Variants in CIBAR1 observed in about 807,000 individuals in gnomAD.
The protein encoded by CIBAR1 is CBY1-interacting BAR domain-containing protein 1.
CIBAR1 carries 25 observed loss-of-function variants against 44.0 expected under a neutral mutation model. The ratio of observed to expected loss-of-function variants is 0.57; its 90% CI spans 0.41 to 0.79. The LOEUF (loss-of-function observed/expected upper bound fraction) is 0.79. Ranked by LOEUF, CIBAR1 falls within the 30% of genes least tolerant of loss-of-function variation. CIBAR1 has a pLI of 0.00. For missense variants in CIBAR1, 278 were observed against 344.8 expected, an observed-to-expected ratio of 0.81 and a Z score of 1.53; for synonymous variants, 115 against 119.0, an observed-to-expected ratio of 0.97 and a Z score of 0.22.
intron 6 of CIBAR1, among the ~76,000 whole-genome samples, chr8:93,710,669 A>G (rs1810787089): frequency 6.6e-6 from 1 of 151,872 alleles, no homozygotes; most frequent in East Asian, 1.9e-4. Flanking sequence ...CTCCATCTCT[A>G]CTAAAAATAC....
At chr8:93,713,033 C>CT (rs149552672) in intron 6 of CIBAR1, among the ~76,000 whole-genome samples, 125,010 of 128,862 alleles carry the variant, frequency 0.97, 60,740 homozygotes, top group South Asian at 0.98. Context: ...CCTTTTTTTT[C>CT]TTTTTTTTTT....
At position 93,731,401 on chromosome 8, in the gene CIBAR1, A is replaced by G. The variant is rs1315779272; in HGVS notation, c.*3104A>G. 3 of 152,304 alleles carry G rather than the reference A, an allele frequency of 2.0e-5. No homozygotes were observed. Among genetic ancestry groups the G allele is most frequent in the East Asian group, 3.9e-4 (2 of 5,186 alleles). 9.4% of individuals were successfully genotyped at this position (152,304 alleles called of 1,614,324 possible). On this transcript the variant is annotated 3_prime_UTR_variant, in exon 9 of 9. Transcript: ENST00000518322. ...TTGCTCAATTAAAAATATCATTTCT[A>G]CTTTCTTCATTGTGCTTGGTTTGGA...
chr8:93,712,153 A>G (rs943249029), intron 6 of CIBAR1, among the ~76,000 whole-genome samples: 5 of 152,224 alleles, frequency 3.3e-5, no homozygotes, highest in Non-Finnish European at 7.3e-5. Flanking sequence ...GTATACACAG[A>G]TATATATCAC....
rs1007698843 is a variant in CIBAR1, at chr8:93,730,318, T to C, written c.*2021T>C. On this transcript the variant is annotated 3_prime_UTR_variant, in exon 9 of 9. Transcript: ENST00000518322. ...GCTCTTAACAGTGATCTCAGTAAAT[T>C]AATAGAAATGCACTCCTAACATGAT... is the stretch of plus-strand genomic sequence containing the variant. 1 of 152,196 alleles carries C rather than the reference T, an allele frequency of 6.6e-6. No individual in the cohort carries two copies. Among genetic ancestry groups the C allele is most frequent in the Non-Finnish European group, 1.5e-5 (1 of 68,028 alleles). 9.4% of individuals were successfully genotyped at this position (152,196 alleles called of 1,614,324 possible).
At chr8:93,724,370 T>C in intron 7 of CIBAR1, 1 of 326,506 alleles carries the variant, frequency 3.1e-6, no homozygotes, top group Non-Finnish European at 6.1e-6. Flanking sequence ...CTGTTGCCCA[T>C]GCTGGCGTGC....
intron 2 of CIBAR1, 50 bp from the exon 3 acceptor site, chr8:93,703,570 A>G: frequency 9.1e-7 from 1 of 1,097,880 alleles, no homozygotes; most frequent in Non-Finnish European, 1.3e-6. Context: ...TTTTATTTAT[A>G]GGTTAAAATG....
intron 3 of CIBAR1, 76 bp downstream of exon 3, chr8:93,703,764 A>G: frequency 1.6e-6 from 2 of 1,268,322 alleles, no homozygotes; most frequent in Non-Finnish European, 2.2e-6. Context: ...GTTTTTTTAA[A>G]TAAGAAATAC....
intron 8 of CIBAR1, chr8:93,727,052 A>G (rs940313620): frequency 4.3e-5 from 23 of 530,268 alleles, no homozygotes; most frequent in Non-Finnish European, 7.1e-5. Flanking sequence ...TTCTACCCCA[A>G]CAACTATAAA....
At chr8:93,709,378 G>T (rs961794346) in intron 5 of CIBAR1, among the ~76,000 whole-genome samples, 1 of 152,172 alleles carries the variant, frequency 6.6e-6, no homozygotes, top group Non-Finnish European at 1.5e-5. Flanking sequence ...ATGGCTAATG[G>T]AGAGAGAGAC....
At chr8:93,718,570 C>T in intron 6 of CIBAR1, 105 bp from the exon 7 acceptor site, 1 of 576,136 alleles carries the variant, frequency 1.7e-6, no homozygotes, top group Non-Finnish European at 2.8e-6. Context: ...AAAACAGATA[C>T]TTCTGTATTT....
intron 2 of CIBAR1, chr8:93,702,563 A>G (rs1424522060): frequency 2.2e-6 from 1 of 455,812 alleles, no homozygotes. Context: ...AAAAAGGAGA[A>G]CAGAAAAAAG....
At chr8:93,724,639 C>T in intron 7 of CIBAR1, 2 of 1,201,252 alleles carry the variant, frequency 1.7e-6, no homozygotes, top group Non-Finnish European at 2.1e-6. Flanking sequence ...GTTTGGTCTT[C>T]TAGGTAAAAG....
chr8:93,726,075 C>A, intron 7 of CIBAR1: 1 of 221,606 alleles, frequency 4.5e-6, no homozygotes, highest in Non-Finnish European at 8.9e-6. Flanking sequence ...AGGTATGAGT[C>A]GCAGCCTCCC....
At position 93,700,686 on chromosome 8, in the gene CIBAR1, G is replaced by A. The variant is rs28372880; in HGVS notation, c.26+13G>A. The stretch of plus-strand genomic sequence containing the variant: ...CCCTGGAAAACCGGTAACAGCCCGA[G>A]CCCAGCTGCCCAGGGCCGCCCACAC... On this transcript the variant is annotated intron_variant, in intron 1 of 8. Transcript: ENST00000518322. 6.7e-7 allele frequency: 1 copy of A among 1,502,196 alleles called. No individual in the cohort carries two copies. Among genetic ancestry groups the A allele is most frequent in the African/African-American group, 1.5e-5 (1 of 68,744 alleles). The allele number at this position is 1,502,196 out of a possible 1,614,324, so 93.1% of individuals were successfully genotyped here.
At chr8:93,703,591 T>G in intron 2 of CIBAR1, 29 bp from the exon 3 acceptor site, 1 of 1,330,536 alleles carries the variant, frequency 7.5e-7, no homozygotes, top group Non-Finnish European at 1.0e-6. Flanking sequence ...TTAAACGTTC[T>G]AATTTAAAAT....
chr8:93,727,234 A>T (rs1363458402), intron 8 of CIBAR1: 1 of 1,252,492 alleles, frequency 8.0e-7, no homozygotes, highest in Non-Finnish European at 1.0e-6. Context: ...TTTTCAAGAT[A>T]CAACTTTTAG....
At chr8:93,709,683 C>T (rs1445936361) in intron 5 of CIBAR1, 88 bp from the exon 6 acceptor site, 1 of 1,023,918 alleles carries the variant, frequency 9.8e-7, no homozygotes, top group South Asian at 1.4e-5. Context: ...AAAGCCAGTA[C>T]TGCAATGGTA....
chr8:93,724,677 C>A, intron 7 of CIBAR1: 1 of 1,174,908 alleles, frequency 8.5e-7, no homozygotes, highest in Non-Finnish European at 1.1e-6. Flanking sequence ...AATAGCTAAT[C>A]TAGAGCTACA....
intron 6 of CIBAR1, among the ~76,000 whole-genome samples, chr8:93,714,310 G>T (rs892139939): frequency 6.6e-6 from 1 of 152,054 alleles, no homozygotes; most frequent in Admixed American, 6.6e-5. Flanking sequence ...ACTGACTTAT[G>T]TCTTACAACC....
Sources: allele counts gnomAD v4.1 joint callset (sites outside exome capture counted in the v4.1 genomes callset), GRCh38; gene constraint gnomAD v4.1.1; transcripts MANE v1.5; gene names NCBI Gene and HGNC (gene_info 2026-07-23, HGNC 2026-07-21).